TBL1XR1: variants seen among roughly 807,000 people sequenced by gnomAD.
The protein encoded by TBL1XR1 is F-box-like/WD repeat-containing protein TBL1XR1.
Under a neutral mutation model 66.9 loss-of-function variants are expected in TBL1XR1, and 5 were observed. That is an observed-to-expected ratio of 0.07 (90% CI 0.04 to 0.16). The LOEUF (loss-of-function observed/expected upper bound fraction) is 0.16, where lower values mean the gene tolerates loss of function less well. TBL1XR1 is among the 10% of genes least tolerant of loss of function. The pLI, the probability that TBL1XR1 is intolerant of heterozygous loss-of-function variation, is 1.00. For synonymous variants in TBL1XR1, 210 were observed against 206.0 expected, an observed-to-expected ratio of 1.02 and a Z score of -0.17; for missense variants, 238 against 623.2, an observed-to-expected ratio of 0.38 and a Z score of 6.58.
Position 177,020,474 on chromosome 3 carries a change from T to G in TBL1XR1, c.*5024A>C, listed in dbSNP as rs1560083762. The G allele has an allele frequency of 1.3e-5, 2 of 152,116 alleles. No individual in the cohort carries two copies. Among genetic ancestry groups the G allele is most frequent in the African/African-American group, 4.8e-5 (2 of 41,430 alleles). 9.4% of individuals were successfully genotyped at this position (152,116 alleles called of 1,614,324 possible). On this transcript the variant is annotated 3_prime_UTR_variant, in exon 16 of 16. Transcript: ENST00000457928. Reference sequence around the variant, plus strand: ...TTTTATTATGGGCTTAAAGTATATATCTTGGGAAACAATACGTTTATGAAA... The same window carrying G: ...TTTTATTATGGGCTTAAAGTATATAGCTTGGGAAACAATACGTTTATGAAA...
At chr3:177,034,122 C>T in intron 13 of TBL1XR1, 76 bp downstream of exon 13, 1 of 1,479,728 alleles carries the variant, frequency 6.8e-7, no homozygotes, top group East Asian at 2.4e-5. Context: ...GAAATCTTCC[C>T]TAAACTTCTG....
chr3:177,025,019 GA>G lies in TBL1XR1; in HGVS notation c.*478del, dbSNP rs1712907042. 2 of 154,998 alleles carry G rather than the reference GA, an allele frequency of 1.3e-5. No homozygotes were observed. The highest frequency in any genetic ancestry group is 1.4e-5 in the Non-Finnish European group (1 of 69,806). 9.6% of individuals were successfully genotyped at this position (154,998 alleles called of 1,614,324 possible). The stretch of plus-strand genomic sequence containing the variant: ...TGCATCCATAATCTAAACCAAAAAC[GA>G]AATTTTAAAGCAAGAACAAACTACT... On this transcript the variant is annotated 3_prime_UTR_variant, in exon 16 of 16. Transcript: ENST00000457928.
chr3:177,046,695 C>T (rs1577016344), intron 9 of TBL1XR1, among the ~76,000 whole-genome samples: 2 of 152,158 alleles, frequency 1.3e-5, no homozygotes, highest in African/African-American at 4.8e-5. Flanking sequence ...TCCCAGCCTA[C>T]TTCACTTTTC....
chr3:177,044,433 T>C (rs1335383683), intron 10 of TBL1XR1, among the ~76,000 whole-genome samples: 1 of 152,150 alleles, frequency 6.6e-6, no homozygotes, highest in East Asian at 1.9e-4. Context: ...TTAAAAATTA[T>C]GCAGAATGAA....
intron 2 of TBL1XR1, among the ~76,000 whole-genome samples, chr3:177,092,915 T>C (rs1266726560): frequency 6.6e-6 from 1 of 152,002 alleles, no homozygotes; most frequent in African/African-American, 2.4e-5. Flanking sequence ...GGATAAAGAA[T>C]ATGTGGTATG....
Position 177,038,334 on chromosome 3 carries a change from A to G in TBL1XR1, c.1026T>C (p.Ile342=). 1 of 1,596,370 alleles carries G rather than the reference A, an allele frequency of 6.3e-7. No homozygotes were observed. Among genetic ancestry groups the G allele is most frequent in the Non-Finnish European group, 8.5e-7 (1 of 1,170,178 alleles). The part of the protein sequence containing the change: ...HVCKLGQDRP[I]KTFQGHTNEV... ...TTACCGTATGTCCTTGGAATGTTTTAATAGGTCTGTCTTGTCCTAATTTAC... is the reference window on the plus strand; with the variant it reads ...TTACCGTATGTCCTTGGAATGTTTTGATAGGTCTGTCTTGTCCTAATTTAC... Residue 342 remains isoleucine, a synonymous_variant, in exon 11 of 16, where the codon ATT becomes ATC. Coordinates refer to ENST00000457928, the MANE Select transcript of TBL1XR1 (RefSeq NM_024665.7).
chr3:177,111,376 G>C (rs547014455), intron 1 of TBL1XR1, among the ~76,000 whole-genome samples: 2 of 151,558 alleles, frequency 1.3e-5, no homozygotes, highest in African/African-American at 4.8e-5. Context: ...GGGTTCAAGC[G>C]ATTCACCTGC....
intron 1 of TBL1XR1, among the ~76,000 whole-genome samples, chr3:177,168,738 T>A (rs1733120240): frequency 6.6e-6 from 1 of 152,228 alleles, no homozygotes; most frequent in Non-Finnish European, 1.5e-5. Context: ...AAACATATAC[T>A]TTACAAAATA....
intron 10 of TBL1XR1, among the ~76,000 whole-genome samples, chr3:177,039,083 G>T (rs930069296): frequency 1.8e-4 from 27 of 152,056 alleles, no homozygotes; most frequent in Admixed American, 1.0e-3. Flanking sequence ...TAAAAATACT[G>T]TATAATGATG....
rs1712136337 is a variant in TBL1XR1, at chr3:177,019,945, A to G, written c.*5553T>C. On this transcript the variant is annotated 3_prime_UTR_variant, in exon 16 of 16. Coordinates refer to ENST00000457928, the MANE Select transcript of TBL1XR1 (RefSeq NM_024665.7). Reference sequence around the variant, plus strand: ...CTTGAATTTATTTCTGTTTAAGGAAATAAACAGGAAAAATAGAAGACCTAG... The same window carrying G: ...CTTGAATTTATTTCTGTTTAAGGAAGTAAACAGGAAAAATAGAAGACCTAG... 1 of 151,986 alleles carries G rather than the reference A, an allele frequency of 6.6e-6. No homozygotes were observed. Among genetic ancestry groups the G allele is most frequent in the African/African-American group, 2.4e-5 (1 of 41,412 alleles). The allele number at this position is 151,986 out of a possible 1,614,324, so 9.4% of individuals were successfully genotyped here. A position where few individuals can be genotyped will look rare whatever the true frequency, so the allele number is the denominator to read the frequency against.
chr3:177,040,607 A>C (rs1386746939), intron 10 of TBL1XR1, among the ~76,000 whole-genome samples: 1 of 152,186 alleles, frequency 6.6e-6, no homozygotes, highest in African/African-American at 2.4e-5. Context: ...AGGACTCAGA[A>C]AGGAAATTTT....
intron 1 of TBL1XR1, among the ~76,000 whole-genome samples, chr3:177,127,981 G>A (rs1056300449): frequency 3.3e-5 from 5 of 152,176 alleles, no homozygotes; most frequent in Admixed American, 2.6e-4. Flanking sequence ...CACTTTGGGA[G>A]TCCGAAGCAA....
intron 2 of TBL1XR1, among the ~76,000 whole-genome samples, chr3:177,067,584 G>A (rs1719329423): frequency 6.6e-6 from 1 of 152,014 alleles, no homozygotes; most frequent in East Asian, 1.9e-4. Flanking sequence ...TATATTGCTG[G>A]TATATTTTTA....
At chr3:177,139,858 C>A (rs1729439297) in intron 1 of TBL1XR1, among the ~76,000 whole-genome samples, 1 of 152,076 alleles carries the variant, frequency 6.6e-6, no homozygotes, top group African/African-American at 2.4e-5. Flanking sequence ...ATTAAAAATA[C>A]CTGTAGTAAC....
chr3:177,156,100 A>T (rs1476979397), intron 1 of TBL1XR1, among the ~76,000 whole-genome samples: 1 of 151,238 alleles, frequency 6.6e-6, no homozygotes, highest in African/African-American at 2.4e-5. Context: ...TTAGAACAAA[A>T]AAAAACAGAA....
intron 1 of TBL1XR1, among the ~76,000 whole-genome samples, chr3:177,107,681 CAT>C (rs1725046563): frequency 1.3e-5 from 2 of 152,166 alleles, no homozygotes. Flanking sequence ...TTCACACACA[CAT>C]AGATACACCA....
chr3:177,028,948 A>T (rs1230165337), intron 14 of TBL1XR1, among the ~76,000 whole-genome samples: 2 of 152,184 alleles, frequency 1.3e-5, no homozygotes, highest in Non-Finnish European at 2.9e-5. Context: ...GGGACAATGA[A>T]TGGTGCTAAG....
At chr3:177,143,757 A>C (rs1245583841) in intron 1 of TBL1XR1, among the ~76,000 whole-genome samples, 1 of 152,244 alleles carries the variant, frequency 6.6e-6, no homozygotes, top group Non-Finnish European at 1.5e-5. Flanking sequence ...ACAGCTAATT[A>C]TATAAGATGG....
chr3:177,196,449 A>C (rs1270314438), intron 1 of TBL1XR1: 2 of 150,708 alleles, frequency 1.3e-5, no homozygotes, highest in Non-Finnish European at 3.0e-5. Context: ...ACAAATAAAC[A>C]CGTCCCGGAG....
Sources: gnomAD v4.1 joint callset for allele counts (sites outside exome capture counted in the v4.1 genomes callset) on GRCh38, gnomAD v4.1.1 for gene constraint, MANE v1.5 for transcripts, NCBI Gene and HGNC (gene_info 2026-07-23, HGNC 2026-07-21) for gene names.